CACNA1C: variants seen among roughly 807,000 people sequenced by gnomAD.
CACNA1C encodes the protein voltage-dependent L-type calcium channel subunit alpha-1C.
A neutral mutation model predicts 229.0 loss-of-function variants in CACNA1C; 30 were observed. The ratio of observed to expected loss-of-function variants is 0.13; its 90% CI spans 0.10 to 0.18. CACNA1C has a LOEUF of 0.18. CACNA1C is among the 10% of genes least tolerant of loss of function. The pLI is 1.00. For synonymous variants in CACNA1C, 1,114 were observed against 1,132.5 expected, an observed-to-expected ratio of 0.98 and a Z score of 0.33; for missense variants, 1,658 against 2,845.0, an observed-to-expected ratio of 0.58 and a Z score of 9.49.
At chr12:2,039,201 T>C (rs752551200) in intron 1 of CACNA1C, among the ~76,000 whole-genome samples, 1 of 152,204 alleles carries the variant, frequency 6.6e-6, no homozygotes, top group Non-Finnish European at 1.5e-5. Context: ...AGTAACTCAC[T>C]AAACAATGAT....
intron 11 of CACNA1C, among the ~76,000 whole-genome samples, chr12:2,565,377 G>T (rs2050107033): frequency 6.6e-6 from 1 of 151,230 alleles, no homozygotes; most frequent in Admixed American, 6.6e-5. Flanking sequence ...TGAGGCAGGA[G>T]AATGGCGTGA....
At chr12:2,230,303 C>T (rs1421462090) in intron 3 of CACNA1C, among the ~76,000 whole-genome samples, 1 of 152,172 alleles carries the variant, frequency 6.6e-6, no homozygotes, top group Non-Finnish European at 1.5e-5. Context: ...GCGGCTGAGC[C>T]GCCAGGGCCT....
chr12:2,513,616 G>T (rs1399789095), intron 9 of CACNA1C, among the ~76,000 whole-genome samples: 1 of 152,194 alleles, frequency 6.6e-6, no homozygotes, highest in East Asian at 1.9e-4. Flanking sequence ...ATAGGCTGTG[G>T]CTGAGATAGA....
chr12:2,317,775 A>G (rs1024334554), intron 3 of CACNA1C, among the ~76,000 whole-genome samples: 8 of 152,240 alleles, frequency 5.3e-5, no homozygotes, highest in Non-Finnish European at 1.2e-4. Flanking sequence ...CGCAGGCCAG[A>G]GGCTCTGGTG....
chr12:2,523,065 G>A (rs1334488970), intron 9 of CACNA1C, among the ~76,000 whole-genome samples: 3 of 129,826 alleles, frequency 2.3e-5, no homozygotes, highest in African/African-American at 8.5e-5. Flanking sequence ...ATTTTCCTTG[G>A]TTGTTGCATT....
chr12:2,058,053 A>G (rs2154513892), intron 1 of CACNA1C, among the ~76,000 whole-genome samples: 1 of 152,356 alleles, frequency 6.6e-6, no homozygotes, highest in South Asian at 2.1e-4. Context: ...CAGGTTAGGA[A>G]GTAACTGAGA....
At chr12:2,247,827 C>T (rs1600604101) in intron 3 of CACNA1C, among the ~76,000 whole-genome samples, 1 of 152,156 alleles carries the variant, frequency 6.6e-6, no homozygotes, top group Admixed American at 6.5e-5. Context: ...TCTCTTTATT[C>T]TCCAAGGGAG....
chr12:2,415,559 G>A (rs775848245), intron 3 of CACNA1C, among the ~76,000 whole-genome samples: 5 of 152,234 alleles, frequency 3.3e-5, no homozygotes, highest in South Asian at 4.2e-4. Context: ...TAACACCACC[G>A]TCCCAAGAAG....
intron 3 of CACNA1C, among the ~76,000 whole-genome samples, chr12:2,445,184 CT>C (rs1327313693): frequency 6.6e-6 from 1 of 152,234 alleles, no homozygotes; most frequent in African/African-American, 2.4e-5. Context: ...ACCTAACCTT[CT>C]TCACCTGGAC....
intron 3 of CACNA1C, among the ~76,000 whole-genome samples, chr12:2,325,968 G>T (rs985874974): frequency 6.6e-6 from 1 of 152,186 alleles, no homozygotes; most frequent in Non-Finnish European, 1.5e-5. Flanking sequence ...TCCACTCACG[G>T]CAAACATCAG....
At chr12:2,669,720 G>A (rs758824545) in intron 38 of CACNA1C, among the ~76,000 whole-genome samples, 13 of 152,180 alleles carry the variant, frequency 8.5e-5, no homozygotes, top group South Asian at 2.1e-4. Flanking sequence ...GGAGGTCATC[G>A]CACACATTGT....
Position 2,694,565 on chromosome 12 carries a change from T to C in CACNA1C, c.*3366T>C, listed in dbSNP as rs568538855. 6.6e-6 allele frequency: 1 copy of C among 152,382 alleles called. No homozygotes were observed. The highest frequency in any genetic ancestry group is 1.9e-4 in the East Asian group (1 of 5,194). The allele number at this position is 152,382 out of a possible 1,614,324, so 9.4% of individuals were successfully genotyped here. A position where few individuals can be genotyped will look rare whatever the true frequency, so the allele number is the denominator to read the frequency against. On this transcript the variant is annotated 3_prime_UTR_variant, in exon 47 of 47. Coordinates refer to ENST00000399655, the MANE Select transcript of CACNA1C (RefSeq NM_000719.7). Reference sequence around the variant, plus strand: ...CTTCTTAATCCAATAGGCCTCACTCTCACTGGGAAATCCACTCAAAGGAAC... The same window carrying C: ...CTTCTTAATCCAATAGGCCTCACTCCCACTGGGAAATCCACTCAAAGGAAC...
intron 3 of CACNA1C, among the ~76,000 whole-genome samples, chr12:2,292,980 C>A (rs932589115): frequency 2.6e-5 from 4 of 151,908 alleles, no homozygotes; most frequent in African/African-American, 9.7e-5. Context: ...AGCCCCTTGG[C>A]AACCCAGGAA....
At chr12:2,571,670 A>G (rs1013431207) in intron 13 of CACNA1C, among the ~76,000 whole-genome samples, 1 of 151,918 alleles carries the variant, frequency 6.6e-6, no homozygotes, top group African/African-American at 2.4e-5. Context: ...TCAGATCTCT[A>G]TGAAGTCTAT....
intron 3 of CACNA1C, among the ~76,000 whole-genome samples, chr12:2,272,111 CA>C (rs2085313422): frequency 6.6e-6 from 1 of 152,180 alleles, no homozygotes; most frequent in South Asian, 2.1e-4. Flanking sequence ...TTGCCTTGCT[CA>C]CAACCCCTCA....
At chr12:2,010,774 C>T (rs2044258682) in intron 1 of CACNA1C, 1 of 152,080 alleles carries the variant, frequency 6.6e-6, no homozygotes, top group Non-Finnish European at 1.5e-5. Flanking sequence ...AATGCAAAGA[C>T]CTGATAGTGC....
chr12:2,483,970 T>C (rs2099687333), intron 5 of CACNA1C, among the ~76,000 whole-genome samples: 1 of 152,174 alleles, frequency 6.6e-6, no homozygotes, highest in South Asian at 2.1e-4. Flanking sequence ...ATAAGTTTTG[T>C]CACTCCTTCA....
intron 3 of CACNA1C, among the ~76,000 whole-genome samples, chr12:2,143,420 A>G (rs1168100951): frequency 1.3e-5 from 2 of 151,230 alleles, no homozygotes; most frequent in South Asian, 2.1e-4. Context: ...AGCTCCGTTC[A>G]TGGTAAGTGC....
At position 2,585,741 on chromosome 12, in the gene CACNA1C, C is replaced by T. The variant is rs770933384; in HGVS notation, c.2461-94C>T. On this transcript the variant is annotated intron_variant, in intron 17 of 46. Coordinates refer to ENST00000399655, the MANE Select transcript of CACNA1C (RefSeq NM_000719.7). The surrounding 1 kb of genome is among the most constrained non-coding windows in gnomAD (Gnocchi z 4.1). ...ACAAGTACCTATTTTTGAGCTAAGT[C>T]ACTGACTAAAATGCAACTTCAAGGC... The T allele has an allele frequency of 2.0e-6, 2 of 1,008,882 alleles. No individual in the cohort carries two copies. The highest frequency in any genetic ancestry group is 3.1e-6 in the Non-Finnish European group (2 of 651,100). The allele number at this position is 1,008,882 out of a possible 1,614,324, so 62.5% of individuals were successfully genotyped here.
Sources: allele counts gnomAD v4.1 joint callset (sites outside exome capture counted in the v4.1 genomes callset), GRCh38; gene constraint gnomAD v4.1.1; non-coding constraint Gnocchi (gnomAD v3.1); transcripts MANE v1.5; gene names NCBI Gene and HGNC (gene_info 2026-07-23, HGNC 2026-07-21).